The following EXOC4 variants were observed in gnomAD, a reference collection of about 807,000 sequenced individuals.
EXOC4 encodes the protein exocyst complex component 4.
In EXOC4, 71 loss-of-function variants were observed where a neutral mutation model predicts 107.2. The observed-to-expected ratio is 0.66, with a 90% CI of 0.55 to 0.81. The LOEUF is 0.81. EXOC4 is among the 30% of genes least tolerant of loss of function. The probability of loss-of-function intolerance (pLI) is 0.00; values close to 1 mark genes in which losing one functional copy is unlikely to be tolerated. For missense variants in EXOC4, 1,108 were observed against 1,189.6 expected (o/e 0.93, Z 1.01); for synonymous variants, 456 against 441.2 (o/e 1.03, Z -0.42).
At chr7:133,272,665 A>G (rs987915917) in intron 1 of EXOC4, among the ~76,000 whole-genome samples, 1 of 152,132 alleles carries the variant, frequency 6.6e-6, no homozygotes, top group African/African-American at 2.4e-5. Flanking sequence ...CAAAATATTC[A>G]TCCTAGTTTA....
intron 9 of EXOC4, among the ~76,000 whole-genome samples, chr7:133,547,378 G>A (rs375500443): frequency 6.6e-6 from 1 of 152,164 alleles, no homozygotes; most frequent in African/African-American, 2.4e-5. Flanking sequence ...TTGCCTTGAT[G>A]TTTGTGGCTG....
At chr7:133,636,445 T>C (rs11764989) in intron 10 of EXOC4, among the ~76,000 whole-genome samples, 61,016 of 152,056 alleles carry the variant, frequency 0.4, 12,601 homozygotes, top group South Asian at 0.53. Context: ...GTGAGTTTTA[T>C]AGTATGTTGG....
At chr7:133,979,559 A>G (rs1031629178) in intron 14 of EXOC4, among the ~76,000 whole-genome samples, 11 of 152,242 alleles carry the variant, frequency 7.2e-5, no homozygotes, top group Admixed American at 2.6e-4. Context: ...AGGCCCAGGC[A>G]GGTGGATCAC....
At chr7:133,650,988 C>T (rs1803136268) in intron 10 of EXOC4, among the ~76,000 whole-genome samples, 1 of 106,732 alleles carries the variant, frequency 9.4e-6, no homozygotes. Context: ...TGTGTGTCCT[C>T]AAAGAAAGAA....
Position 133,594,493 on chromosome 7 carries a change from C to CTTTTTTT in EXOC4, c.1418-35538_1418-35532dup, listed in dbSNP as rs532692119. ...AGACAAGAAATACATAAGCTTGAGTCTTTTTTTTTTTTTTTTTTTTGAGAC... is the reference window on the plus strand; with the variant it reads ...AGACAAGAAATACATAAGCTTGAGTCTTTTTTTTTTTTTTTTTTTTTTTTTTTGAGAC... On this transcript the variant is annotated intron_variant, in intron 9 of 17. Coordinates refer to ENST00000253861, the MANE Select transcript of EXOC4 (RefSeq NM_021807.4). Among the ~76,000 whole-genome samples, 272 of 90,318 alleles carry CTTTTTTT rather than the reference C, an allele frequency of 3.0e-3. 58 individuals are homozygous for CTTTTTTT. The highest frequency in any genetic ancestry group is 0.011 in the African/African-American group (235 of 22,022). 59.3% of individuals were successfully genotyped at this position (90,318 alleles called of 152,430 possible).
intron 15 of EXOC4, among the ~76,000 whole-genome samples, chr7:133,998,273 C>G (rs982586437): frequency 3.9e-5 from 6 of 152,194 alleles, no homozygotes; most frequent in Non-Finnish European, 8.8e-5. Flanking sequence ...TTTGTACTTA[C>G]AGCACATCAC....
At chr7:133,960,444 T>G (rs1800916409) in intron 14 of EXOC4, among the ~76,000 whole-genome samples, 1 of 152,234 alleles carries the variant, frequency 6.6e-6, no homozygotes, top group African/African-American at 2.4e-5. Context: ...ATTCTTTGAA[T>G]GTCTGGCAGA....
chr7:133,953,374 G>A (rs759968684), intron 14 of EXOC4, among the ~76,000 whole-genome samples: 3 of 152,072 alleles, frequency 2.0e-5, no homozygotes, highest in Non-Finnish European at 4.4e-5. Context: ...GAGGTGGGAA[G>A]ATCTCTTGAG....
At chr7:133,800,651 A>G (rs1266287792) in intron 10 of EXOC4, among the ~76,000 whole-genome samples, 1 of 152,220 alleles carries the variant, frequency 6.6e-6, no homozygotes, top group Non-Finnish European at 1.5e-5. Flanking sequence ...AATCTTAGGA[A>G]CAATAGTCAA....
intron 9 of EXOC4, among the ~76,000 whole-genome samples, chr7:133,497,885 T>C (rs1799508055): frequency 6.6e-6 from 1 of 152,220 alleles, no homozygotes; most frequent in Admixed American, 6.5e-5. Context: ...ATTTGGAAGC[T>C]GAAAGGGGCT....
intron 9 of EXOC4, chr7:133,484,019 C>G: frequency 6.2e-7 from 1 of 1,613,938 alleles, no homozygotes. Flanking sequence ...GTTCATACGT[C>G]AACTTTTCCT....
chr7:133,945,984 C>G (rs1210629460), intron 14 of EXOC4, among the ~76,000 whole-genome samples: 1 of 152,164 alleles, frequency 6.6e-6, no homozygotes, highest in Non-Finnish European at 1.5e-5. Flanking sequence ...CGGAGTTTTC[C>G]TTGTCATAAT....
intron 9 of EXOC4, chr7:133,484,204 T>G: frequency 6.6e-7 from 1 of 1,505,452 alleles, no homozygotes; most frequent in Non-Finnish European, 8.9e-7. Flanking sequence ...AAAATGAGAT[T>G]TCTTTGGTGT....
At position 133,479,192 on chromosome 7, in the gene EXOC4, A is replaced by T. The variant is rs561473127; in HGVS notation, c.1329-858A>T. On this transcript the variant is annotated intron_variant, in intron 8 of 17. Coordinates refer to ENST00000253861, the MANE Select transcript of EXOC4 (RefSeq NM_021807.4). Reference sequence around the variant, plus strand: ...CTTTGAAATCTCAGTTTGAAATGGGATCTCTTATCACATCAAAGGATTTAC... The same window carrying T: ...CTTTGAAATCTCAGTTTGAAATGGGTTCTCTTATCACATCAAAGGATTTAC... 4 of 152,124 alleles carry T rather than the reference A, an allele frequency of 2.6e-5. No homozygotes were observed. In the South Asian group the frequency reaches 6.2e-4, roughly 24 times the overall value. The allele number at this position is 152,124 out of a possible 1,614,324, so 9.4% of individuals were successfully genotyped here. A position where few individuals can be genotyped will look rare whatever the true frequency, so the allele number is the denominator to read the frequency against.
chr7:133,370,758 T>C (rs1563039533), intron 6 of EXOC4, among the ~76,000 whole-genome samples: 1 of 152,224 alleles, frequency 6.6e-6, no homozygotes, highest in Admixed American at 6.5e-5. Flanking sequence ...TTCTCCTCAG[T>C]GTTGCTCAAG....
intron 7 of EXOC4, among the ~76,000 whole-genome samples, chr7:133,387,305 A>G (rs113547116): frequency 6.6e-6 from 1 of 152,212 alleles, no homozygotes; most frequent in African/African-American, 2.4e-5. Flanking sequence ...TCTGCAACAT[A>G]TAGTAAATGA....
intron 17 of EXOC4, among the ~76,000 whole-genome samples, chr7:134,060,948 G>A (rs186938371): frequency 2.6e-5 from 4 of 152,210 alleles, no homozygotes; most frequent in South Asian, 4.1e-4. Flanking sequence ...CTGTTCATAC[G>A]AAGCTCTTGA....
intron 11 of EXOC4, among the ~76,000 whole-genome samples, chr7:133,840,760 C>T (rs1024882386): frequency 6.6e-5 from 10 of 152,118 alleles, no homozygotes; most frequent in African/African-American, 2.2e-4. Context: ...GGATTACAGG[C>T]GTGAGCCACT....
chr7:134,045,412 A>G (rs2116550056), intron 17 of EXOC4, among the ~76,000 whole-genome samples: 1 of 152,292 alleles, frequency 6.6e-6, no homozygotes, highest in Non-Finnish European at 1.5e-5. Context: ...CTTAGTGAAA[A>G]TGTGAGCTGG....
Sources: allele counts gnomAD v4.1 joint callset (sites outside exome capture counted in the v4.1 genomes callset), GRCh38; gene constraint gnomAD v4.1.1; transcripts MANE v1.5; gene names NCBI Gene and HGNC (gene_info 2026-07-23, HGNC 2026-07-21).